Variants in SHANK2 observed in about 807,000 individuals in gnomAD.
SHANK2 encodes SH3 and multiple ankyrin repeat domains protein 2.
In SHANK2, 43 loss-of-function variants were observed where a neutral mutation model predicts 133.7. That is an observed-to-expected ratio of 0.32 (90% CI 0.25 to 0.41). The LOEUF is 0.41. Among genes scored for constraint, SHANK2 ranks in the 10% least tolerant of loss-of-function variants. The pLI is 1.00. For synonymous variants in SHANK2, 1,017 were observed against 952.8 expected (o/e 1.07, Z -1.24); for missense variants, 1,994 against 2,235.8 (o/e 0.89, Z 2.18).
intron 11 of SHANK2, among the ~76,000 whole-genome samples, chr11:70,836,400 TAAC>T (rs1312017550): frequency 6.6e-6 from 1 of 152,148 alleles, no homozygotes; most frequent in African/African-American, 2.4e-5. Flanking sequence ...GAAAGGATAA[TAAC>T]AGCAGCTGTC....
intron 11 of SHANK2, among the ~76,000 whole-genome samples, chr11:70,845,589 C>T (rs1338212094): frequency 6.6e-6 from 1 of 152,100 alleles, no homozygotes; most frequent in African/African-American, 2.4e-5. Context: ...AAACCACCCA[C>T]AAAGACCGTT....
intron 15 of SHANK2, among the ~76,000 whole-genome samples, chr11:70,685,346 C>T (rs554452345): frequency 2.6e-5 from 4 of 152,272 alleles, no homozygotes; most frequent in East Asian, 3.9e-4. Flanking sequence ...CAGAGCTCCA[C>T]GGGGCCAACT....
At chr11:70,671,755 G>C (rs1297067234) in intron 15 of SHANK2, among the ~76,000 whole-genome samples, 1 of 152,192 alleles carries the variant, frequency 6.6e-6, no homozygotes, top group East Asian at 1.9e-4. Flanking sequence ...GCTGTGGGCA[G>C]ATGGGATGAG....
intron 14 of SHANK2, among the ~76,000 whole-genome samples, chr11:70,721,028 C>T (rs1167193204): frequency 1.3e-5 from 2 of 152,082 alleles, no homozygotes; most frequent in Non-Finnish European, 2.9e-5. Context: ...GACCTGAGCC[C>T]GGGCTTCCGT....
chr11:71,069,880 G>A (rs1192741176), intron 9 of SHANK2, among the ~76,000 whole-genome samples: 1 of 152,180 alleles, frequency 6.6e-6, no homozygotes, highest in Non-Finnish European at 1.5e-5. Context: ...CTCCCTGCAT[G>A]CCCTGTGTGT....
At chr11:70,829,286 G>A (rs558397333) in intron 11 of SHANK2, among the ~76,000 whole-genome samples, 25 of 152,286 alleles carry the variant, frequency 1.6e-4, no homozygotes, top group African/African-American at 5.5e-4. Flanking sequence ...CGGGAGCCAC[G>A]CAGCAGCACT....
At chr11:71,162,299 G>C (rs1299881040) in intron 2 of SHANK2, among the ~76,000 whole-genome samples, 1 of 152,216 alleles carries the variant, frequency 6.6e-6, no homozygotes, top group Non-Finnish European at 1.5e-5. Flanking sequence ...GCATCACATG[G>C]TGAGAGGGTG....
chr11:70,722,598 AT>A (rs1946095283), intron 14 of SHANK2, among the ~76,000 whole-genome samples: 1 of 152,246 alleles, frequency 6.6e-6, no homozygotes, highest in Admixed American at 6.5e-5. Context: ...TAAGAATTTC[AT>A]TTAAAGATAA....
At chr11:70,671,245 G>A (rs1468837185) in intron 15 of SHANK2, among the ~76,000 whole-genome samples, 4 of 152,120 alleles carry the variant, frequency 2.6e-5, no homozygotes, top group African/African-American at 4.8e-5. Context: ...TGTGATCAGC[G>A]CTCCCTGCCG....
At chr11:71,119,166 CT>C in intron 3 of SHANK2, 134 bp from the exon 4 acceptor site, 1 of 666,540 alleles carries the variant, frequency 1.5e-6, no homozygotes, top group Non-Finnish European at 2.5e-6. Flanking sequence ...GAACCCACGG[CT>C]TTTCACAGTG....
At chr11:70,695,586 C>A (rs563896267) in intron 15 of SHANK2, among the ~76,000 whole-genome samples, 1 of 152,322 alleles carries the variant, frequency 6.6e-6, no homozygotes, top group East Asian at 1.9e-4. Flanking sequence ...ACCATCCTCA[C>A]CGCGGGAGGG....
intron 11 of SHANK2, among the ~76,000 whole-genome samples, chr11:70,856,216 GA>G (rs1949169477): frequency 6.7e-6 from 1 of 150,158 alleles, no homozygotes; most frequent in Admixed American, 6.6e-5. Context: ...GTAGATGGAT[GA>G]ATGAATGGAT....
intron 14 of SHANK2, among the ~76,000 whole-genome samples, chr11:70,755,483 C>A (rs1555038618): frequency 1.3e-5 from 2 of 152,266 alleles, no homozygotes; most frequent in Non-Finnish European, 2.9e-5. Context: ...GAGCGTCCAA[C>A]CTCTTGGCCT....
At chr11:70,898,440 T>A (rs1555076172) in intron 10 of SHANK2, among the ~76,000 whole-genome samples, 1 of 152,100 alleles carries the variant, frequency 6.6e-6, no homozygotes, top group African/African-American at 2.4e-5. Context: ...GGAAGAGTTT[T>A]GAGGTGCATG....
chr11:70,682,661 G>A (rs1307605022), intron 15 of SHANK2, among the ~76,000 whole-genome samples: 1 of 152,164 alleles, frequency 6.6e-6, no homozygotes, highest in African/African-American at 2.4e-5. Context: ...AGAGAGGGAG[G>A]AAATGGGGGA....
intron 17 of SHANK2, among the ~76,000 whole-genome samples, chr11:70,586,561 C>T (rs868924800): frequency 2.0e-5 from 3 of 152,344 alleles, no homozygotes; most frequent in South Asian, 2.1e-4. Flanking sequence ...TCCGAGGCGG[C>T]CCCTGCATGG....
intron 17 of SHANK2, among the ~76,000 whole-genome samples, chr11:70,588,449 G>A (rs2060281702): frequency 6.6e-6 from 1 of 152,204 alleles, no homozygotes. Flanking sequence ...AATTAAAAGT[G>A]TTACTGCAGT....
intron 2 of SHANK2, among the ~76,000 whole-genome samples, chr11:71,208,531 C>T (rs1211360928): frequency 6.6e-6 from 1 of 152,112 alleles, no homozygotes; most frequent in Non-Finnish European, 1.5e-5. Flanking sequence ...CCTCCCTTCC[C>T]GAGTCCTAGG....
At chr11:71,218,261 C>CTTTTTT (rs71049964) in intron 2 of SHANK2, among the ~76,000 whole-genome samples, 58 of 72,414 alleles carry the variant, frequency 8.0e-4, no homozygotes, top group African/African-American at 2.1e-3. Context: ...TTTTCTTTTT[C>CTTTTTT]TTTTTTTTTT....
Sources: allele counts gnomAD v4.1 joint callset (sites outside exome capture counted in the v4.1 genomes callset), GRCh38; gene constraint gnomAD v4.1.1; transcripts MANE v1.5; gene names NCBI Gene and HGNC (gene_info 2026-07-23, HGNC 2026-07-21).